Variants in PBLD observed in about 807,000 individuals in gnomAD.
PBLD encodes phenazine biosynthesis like protein domain containing, also known as phenazine biosynthesis-like domain-containing protein.
Under a neutral mutation model 31.3 loss-of-function variants are expected in PBLD, and 26 were observed. The observed-to-expected ratio is 0.83, with a 90% CI of 0.61 to 1.15. The LOEUF (loss-of-function observed/expected upper bound fraction) is 1.15, where lower values mean the gene tolerates loss of function less well. PBLD is among the 50% of genes most tolerant of loss of function. The pLI is 0.00. For missense variants in PBLD, 307 were observed against 351.7 expected, an observed-to-expected ratio of 0.87 and a Z score of 1.02; for synonymous variants, 114 against 129.0, an observed-to-expected ratio of 0.88 and a Z score of 0.79.
rs577171400 is a variant in PBLD at position 68,322,505 on chromosome 10, T to TAA, written c.-60+10277_-60+10278dup. 1.8e-4 allele frequency among the ~76,000 whole-genome samples: 24 copies of TAA among 130,062 alleles called. No individual in the cohort carries two copies. The East Asian group carries it at 2.2e-3, about 12-fold the overall frequency. 85.3% of individuals were successfully genotyped at this position (130,062 alleles called of 152,430 possible). ...GAGAGATCTCATCTCGACAAAAAATTAAAAAAAAAAAAAACAGGCATGGTG... is the reference window on the plus strand; with the variant it reads ...GAGAGATCTCATCTCGACAAAAAATTAAAAAAAAAAAAAAAACAGGCATGGTG... On this transcript the variant is annotated intron_variant, in intron 1 of 9. Coordinates refer to ENST00000358769, the MANE Select transcript of PBLD (RefSeq NM_022129.4).
Position 68,292,047 on chromosome 10 carries a change from G to C in PBLD, c.394-8C>G. 1.9e-6 allele frequency: 3 copies of C among 1,587,296 alleles called. No homozygotes were observed. Among genetic ancestry groups the C allele is most frequent in the South Asian group, 1.1e-5 (1 of 89,788 alleles). On this transcript the variant is annotated splice_polypyrimidine_tract_variant and splice_region_variant and intron_variant, in intron 5 of 9. Transcript: ENST00000358769. ...CTCTACTTCATGGAAGTCCTAGATG[G>C]GGGGAAAAAAAACAAAATTATTATA... is the stretch of plus-strand genomic sequence containing the variant.
chr10:68,309,576 G>A (rs758271828), intron 1 of PBLD, among the ~76,000 whole-genome samples: 14 of 149,500 alleles, frequency 9.4e-5, no homozygotes, highest in South Asian at 2.1e-4. Context: ...TTGGGAGGCC[G>A]AGGCAGGCAG....
rs1364090598 is a variant in PBLD, at chr10:68,306,902, T to G, written c.-58A>C. The G allele has an allele frequency of 2.2e-6, 3 of 1,344,582 alleles. No individual in the cohort carries two copies. Among genetic ancestry groups the G allele is most frequent in the Non-Finnish European group, 3.2e-6 (3 of 947,280 alleles). 83.3% of individuals were successfully genotyped at this position (1,344,582 alleles called of 1,614,324 possible). On this transcript the variant is annotated splice_region_variant and 5_prime_UTR_variant, in exon 2 of 10. Coordinates refer to ENST00000358769, the MANE Select transcript of PBLD (RefSeq NM_022129.4). ...AATTGCTGGTAGCCTGCTTTACGTCTTCTTCTTGGAAAAGGAAATCAAAAA... is the reference window on the plus strand; with the variant it reads ...AATTGCTGGTAGCCTGCTTTACGTCGTCTTCTTGGAAAAGGAAATCAAAAA...
intron 2 of PBLD, among the ~76,000 whole-genome samples, chr10:68,305,928 C>T (rs2044572086): frequency 6.6e-6 from 1 of 152,078 alleles, no homozygotes; most frequent in Admixed American, 6.6e-5. Flanking sequence ...CTTAATATGA[C>T]TTATTTAAGA....
At chr10:68,308,545 ATTCT>A (rs1229572404) in intron 1 of PBLD, among the ~76,000 whole-genome samples, 1 of 138,086 alleles carries the variant, frequency 7.2e-6, no homozygotes, top group Non-Finnish European at 1.6e-5. Context: ...TTCTTAGATT[ATTCT>A]TTCTTTCTTT....
chr10:68,307,346 A>T (rs1255589750), intron 1 of PBLD, among the ~76,000 whole-genome samples: 3 of 152,094 alleles, frequency 2.0e-5, no homozygotes, highest in Non-Finnish European at 4.4e-5. Flanking sequence ...CTAACTTTTT[A>T]AAACCTCTAA....
At chr10:68,294,162 C>G (rs2044395327) in intron 4 of PBLD, among the ~76,000 whole-genome samples, 3 of 152,138 alleles carry the variant, frequency 2.0e-5, no homozygotes, top group Admixed American at 1.3e-4. Context: ...TCAACTTTAT[C>G]TCCTGCCAAT....
intron 2 of PBLD, among the ~76,000 whole-genome samples, chr10:68,305,756 A>AAAAAC (rs2044568807): frequency 6.6e-6 from 1 of 152,052 alleles, no homozygotes; most frequent in African/African-American, 2.4e-5. Context: ...ACTCCGTCTC[A>AAAAAC]AAAACAAAAC....
chr10:68,308,845 G>GGTGTGTGTGTGTGTGTGTGTGTGTGTGT (rs374363010), intron 1 of PBLD, among the ~76,000 whole-genome samples: 6 of 130,354 alleles, frequency 4.6e-5, no homozygotes, highest in Admixed American at 8.2e-5. Context: ...TGACCTGCAT[G>GGTGTGTGTGTGTGTGTGTGTGTGTGTGT]GTGTGTGTGT....
chr10:68,295,345 T>C (rs1373201768), intron 4 of PBLD, among the ~76,000 whole-genome samples: 4 of 151,548 alleles, frequency 2.6e-5, no homozygotes, highest in African/African-American at 9.7e-5. Context: ...ATACAAAAAT[T>C]AGCCAGGTGT....
rs1325117372 is a variant in PBLD, at chr10:68,292,249, T to C, written c.284-11A>G. The stretch of plus-strand genomic sequence containing the variant: ...TGCTATTCATGTTTTCTGGCCAAAA[T>C]AGGAATCAAGAAATAGGAAATAAAC... On this transcript the variant is annotated splice_polypyrimidine_tract_variant and intron_variant, in intron 4 of 9. Coordinates refer to ENST00000358769, the MANE Select transcript of PBLD (RefSeq NM_022129.4). 2.5e-6 allele frequency: 4 copies of C among 1,602,036 alleles called. No homozygotes were observed. The highest frequency in any genetic ancestry group is 2.2e-5 in the East Asian group (1 of 44,836).
intron 1 of PBLD, among the ~76,000 whole-genome samples, chr10:68,309,144 C>T (rs1201789437): frequency 6.7e-6 from 1 of 149,778 alleles, no homozygotes; most frequent in Non-Finnish European, 1.5e-5. Context: ...CAGTGGCTCA[C>T]GCCTGTAATT....
intron 4 of PBLD, 173 bp downstream of exon 4, chr10:68,296,093 C>T (rs978982766): frequency 3.8e-5 from 18 of 471,644 alleles, no homozygotes; most frequent in Non-Finnish European, 6.5e-5. Flanking sequence ...TCAGAAAGGC[C>T]AAAGTGCTAT....
Position 68,292,252 on chromosome 10 carries a change from G to T in PBLD, c.284-14C>A. Reference sequence around the variant, plus strand: ...TATTCATGTTTTCTGGCCAAAATAGGAATCAAGAAATAGGAAATAAACTTT... The same window carrying T: ...TATTCATGTTTTCTGGCCAAAATAGTAATCAAGAAATAGGAAATAAACTTT... On this transcript the variant is annotated splice_polypyrimidine_tract_variant and intron_variant, in intron 4 of 9. Transcript: ENST00000358769. 1 of 1,597,582 alleles carries T rather than the reference G, an allele frequency of 6.3e-7. No homozygotes were observed. Among genetic ancestry groups the T allele is most frequent in the Non-Finnish European group, 8.6e-7 (1 of 1,167,256 alleles).
rs537781922 is a variant in PBLD at position 68,294,886 on chromosome 10, C to T, written c.283+1380G>A. Among the ~76,000 whole-genome samples, 5 of 152,320 alleles carry T rather than the reference C, an allele frequency of 3.3e-5. No homozygotes were observed. In the East Asian group the frequency reaches 9.7e-4, roughly 29 times the overall value. On this transcript the variant is annotated intron_variant, in intron 4 of 9. Coordinates refer to ENST00000358769, the MANE Select transcript of PBLD (RefSeq NM_022129.4). Reference sequence around the variant, plus strand: ...GGGACTACCGGCGCCCGCCACCATGCTCAGCTAATTTTTGTATTTTTAGTA... The same window carrying T: ...GGGACTACCGGCGCCCGCCACCATGTTCAGCTAATTTTTGTATTTTTAGTA...
At chr10:68,301,379 C>A (rs2044504113) in intron 2 of PBLD, among the ~76,000 whole-genome samples, 4 of 152,164 alleles carry the variant, frequency 2.6e-5, no homozygotes, top group Admixed American at 1.3e-4. Context: ...TCCCAGCCAA[C>A]AAGACAACAA....
intron 8 of PBLD, 147 bp from the exon 9 acceptor site, chr10:68,285,557 G>A (rs895831160): frequency 8.9e-7 from 1 of 1,128,586 alleles, no homozygotes; most frequent in Non-Finnish European, 1.2e-6. Context: ...ACAGCAGGGT[G>A]TAGAATTATG....
chr10:68,291,358 G>A (rs1291410912), intron 6 of PBLD, among the ~76,000 whole-genome samples: 1 of 152,162 alleles, frequency 6.6e-6, no homozygotes, highest in African/African-American at 2.4e-5. Flanking sequence ...TAAGCCCCAT[G>A]CCCACACAGA....
chr10:68,291,940 A>T (rs566041346), intron 6 of PBLD, 70 bp downstream of exon 6: 1 of 1,443,994 alleles, frequency 6.9e-7, no homozygotes, highest in Admixed American at 1.8e-5. Flanking sequence ...TTTGTGGATC[A>T]AATGATACCA....
Sources: allele counts gnomAD v4.1 joint callset (sites outside exome capture counted in the v4.1 genomes callset), GRCh38; gene constraint gnomAD v4.1.1; transcripts MANE v1.5; gene names NCBI Gene and HGNC (gene_info 2026-07-23, HGNC 2026-07-21).